Variants in SMIM35 observed in about 807,000 individuals in gnomAD.
The protein encoded by SMIM35 is small integral membrane protein 35, also known as TMPRSS4 antisense RNA 1 (non-protein coding).
At chr11:118,021,231 T>A (rs550101327) in intron 1 of SMIM35, among the ~76,000 whole-genome samples, 1 of 152,258 alleles carries the variant, frequency 6.6e-6, no homozygotes, top group South Asian at 2.1e-4. Flanking sequence ...ATTGTGAATG[T>A]TACTGAAAAT....
chr11:118,076,002 C>G (rs553414461), intron 1 of SMIM35, among the ~76,000 whole-genome samples: 3 of 152,250 alleles, frequency 2.0e-5, no homozygotes, highest in Non-Finnish European at 4.4e-5. Context: ...GGTGCGGTGG[C>G]TCACGCCATA....
At chr11:118,027,209 A>G (rs1447767847) in intron 1 of SMIM35, among the ~76,000 whole-genome samples, 4 of 143,900 alleles carry the variant, frequency 2.8e-5, no homozygotes, top group Non-Finnish European at 6.0e-5. Context: ...TTGTATTTTC[A>G]GTAGAGACGG....
Position 118,007,690 on chromosome 11 carries a change from G to A in SMIM35, c.*34-1314C>T, listed in dbSNP as rs140674386. Among the ~76,000 whole-genome samples the A allele has an allele frequency of 1.2e-4, 18 of 151,868 alleles. No homozygotes were observed. In the East Asian group the frequency reaches 1.9e-3, roughly 16 times the overall value. On this transcript the variant is annotated intron_variant, in intron 4 of 4. Transcript: ENST00000689828. ...ATTATAGGTGTGAGCCACTGTGCCC[G>A]GCCGAAGATGTGACTTCTTATACTG... is the stretch of plus-strand genomic sequence containing the variant.
intron 1 of SMIM35, among the ~76,000 whole-genome samples, chr11:118,023,137 A>C (rs1591280635): frequency 6.6e-6 from 1 of 152,028 alleles, no homozygotes; most frequent in Admixed American, 6.6e-5. Flanking sequence ...AGGCACTCAG[A>C]GAGGCAGAGC....
At chr11:118,037,761 C>T (rs1943929199) in intron 1 of SMIM35, among the ~76,000 whole-genome samples, 1 of 152,096 alleles carries the variant, frequency 6.6e-6, no homozygotes, top group Non-Finnish European at 1.5e-5. Context: ...GTTGTAATAC[C>T]GCCAATGCCA....
At chr11:118,048,040 C>T (rs2135094342) in intron 1 of SMIM35, among the ~76,000 whole-genome samples, 1 of 152,280 alleles carries the variant, frequency 6.6e-6, no homozygotes, top group East Asian at 1.9e-4. Context: ...AGTGGGGGTG[C>T]ATCCGTTGGT....
intron 1 of SMIM35, among the ~76,000 whole-genome samples, chr11:118,065,086 C>T (rs1044368375): frequency 5.3e-5 from 8 of 152,230 alleles, no homozygotes; most frequent in East Asian, 1.9e-4. Flanking sequence ...TGTCCTAAAG[C>T]GTGGCCCTGT....
intron 1 of SMIM35, chr11:118,025,745 CTGTT>C (rs1390874770): frequency 6.6e-6 from 3 of 454,212 alleles, no homozygotes; most frequent in Non-Finnish European, 1.3e-5. Flanking sequence ...TATAGGTTGT[CTGTT>C]TGTTCTGTTG....
intron 1 of SMIM35, among the ~76,000 whole-genome samples, chr11:118,078,400 C>T (rs972941048): frequency 4.6e-5 from 7 of 152,148 alleles, no homozygotes; most frequent in African/African-American, 1.7e-4. Flanking sequence ...AGGGGCCCCT[C>T]GAGTGATTGT....
chr11:118,047,927 C>T (rs557189130), intron 1 of SMIM35, among the ~76,000 whole-genome samples: 1 of 152,204 alleles, frequency 6.6e-6, no homozygotes, highest in East Asian at 1.9e-4. Flanking sequence ...CAGCCCAGAG[C>T]GTTTCAAGGG....
chr11:118,082,532 G>T (rs1945222226), intron 1 of SMIM35, among the ~76,000 whole-genome samples: 1 of 151,286 alleles, frequency 6.6e-6, no homozygotes, highest in African/African-American at 2.4e-5. Flanking sequence ...CTGCACTCCA[G>T]CCTGGGCAAT....
intron 1 of SMIM35, among the ~76,000 whole-genome samples, chr11:118,043,792 A>G (rs1783854): frequency 0.79 from 114,498 of 145,142 alleles, 45,545 homozygotes; most frequent in South Asian, 0.87. Context: ...GACAGAGAGA[A>G]ACTCCATCTC....
At chr11:118,064,157 T>C (rs1357852905) in intron 1 of SMIM35, among the ~76,000 whole-genome samples, 2 of 152,204 alleles carry the variant, frequency 1.3e-5, no homozygotes, top group African/African-American at 4.8e-5. Context: ...TGCTTACTGG[T>C]GTGTGGGGAG....
At chr11:118,066,767 G>A (rs372670008) in intron 1 of SMIM35, among the ~76,000 whole-genome samples, 1 of 151,492 alleles carries the variant, frequency 6.6e-6, no homozygotes, top group African/African-American at 2.4e-5. Flanking sequence ...CAAGACTGCA[G>A]TGAGTCGTGA....
intron 1 of SMIM35, among the ~76,000 whole-genome samples, chr11:118,054,508 T>C (rs1158046021): frequency 6.6e-6 from 1 of 152,170 alleles, no homozygotes; most frequent in Non-Finnish European, 1.5e-5. Context: ...GTTATAAAGC[T>C]GGGTGCACAC....
chr11:118,038,848 G>C (rs1943954300), intron 1 of SMIM35, among the ~76,000 whole-genome samples: 1 of 151,916 alleles, frequency 6.6e-6, no homozygotes, highest in Admixed American at 6.6e-5. Flanking sequence ...ATGTGCAAAG[G>C]GCTCAAAACA....
At chr11:118,051,778 A>G (rs1427405110) in intron 1 of SMIM35, among the ~76,000 whole-genome samples, 1 of 152,186 alleles carries the variant, frequency 6.6e-6, no homozygotes, top group Non-Finnish European at 1.5e-5. Flanking sequence ...CTACAGTGAC[A>G]CATTTTCCTG....
chr11:118,081,376 G>A (rs45445895), intron 1 of SMIM35, among the ~76,000 whole-genome samples: 4,103 of 152,214 alleles, frequency 0.027, 73 homozygotes, highest in African/African-American at 0.052. Flanking sequence ...CCTGTGACAC[G>A]TCTAACGCCA....
At chr11:118,017,187 A>G (rs986081580) in intron 1 of SMIM35, among the ~76,000 whole-genome samples, 9 of 152,206 alleles carry the variant, frequency 5.9e-5, no homozygotes, top group Non-Finnish European at 1.2e-4. Flanking sequence ...GAGATAAAGA[A>G]AAAGGCCAGG....
Sources: allele counts gnomAD v4.1 joint callset (sites outside exome capture counted in the v4.1 genomes callset), GRCh38; gene constraint gnomAD v4.1.1; transcripts MANE v1.5; gene names NCBI Gene and HGNC (gene_info 2026-07-23, HGNC 2026-07-21).